The following MCPH1 variants were observed in gnomAD, a reference collection of about 807,000 sequenced individuals.
MCPH1 encodes the protein microcephalin.
In MCPH1, 104 loss-of-function variants were observed where a neutral mutation model predicts 84.5. The ratio of observed to expected loss-of-function variants is 1.23; its 90% CI spans 1.05 to 1.45. The LOEUF is 1.45. Among genes scored for constraint, MCPH1 ranks in the 40% most tolerant of loss-of-function variants. The pLI is 0.00. For missense variants in MCPH1, 1,498 were observed against 1,005.7 expected (o/e 1.49, Z -6.62); for synonymous variants, 514 against 366.8 (o/e 1.40, Z -4.58).
chr8:6,447,829 G>A (rs1207721139), intron 8 of MCPH1, among the ~76,000 whole-genome samples: 1 of 152,160 alleles, frequency 6.6e-6, no homozygotes, highest in Non-Finnish European at 1.5e-5. Context: ...GATTACAGGC[G>A]TGAGCTACCG....
At chr8:6,513,677 C>G in intron 12 of MCPH1, 1 of 1,606,432 alleles carries the variant, frequency 6.2e-7, no homozygotes, top group Non-Finnish European at 8.5e-7. Context: ...AACTCACTTA[C>G]CTATAATTGA....
chr8:6,430,829 TAGA>T (rs1325692971), intron 3 of MCPH1, among the ~76,000 whole-genome samples: 1 of 152,212 alleles, frequency 6.6e-6, no homozygotes, highest in Non-Finnish European at 1.5e-5. Flanking sequence ...ATGAGTGAAT[TAGA>T]AGAGGAGAAA....
chr8:6,596,890 C>G (rs1474915626), intron 12 of MCPH1, among the ~76,000 whole-genome samples: 1 of 152,164 alleles, frequency 6.6e-6, no homozygotes, highest in Non-Finnish European at 1.5e-5. Flanking sequence ...TACAGAAGGA[C>G]ACACAGTAAG....
intron 9 of MCPH1, among the ~76,000 whole-genome samples, chr8:6,464,928 G>C (rs966589970): frequency 6.6e-6 from 1 of 152,162 alleles, no homozygotes; most frequent in Non-Finnish European, 1.5e-5. Context: ...GAACCCAGGA[G>C]GTAGAGGTTG....
At chr8:6,409,444 A>T (rs1798229815) in intron 2 of MCPH1, 74 bp downstream of exon 2, 6 of 1,271,852 alleles carry the variant, frequency 4.7e-6, no homozygotes, top group Non-Finnish European at 6.9e-6. Context: ...GCATTTTCTT[A>T]TTTTGGGAGT....
At chr8:6,513,611 G>A (rs1815639943) in intron 12 of MCPH1, 1 of 1,416,844 alleles carries the variant, frequency 7.1e-7, no homozygotes, top group Non-Finnish European at 9.6e-7. Context: ...GGGATTACAG[G>A]CGTGAGCCAC....
chr8:6,579,319 A>C (rs1162527948), intron 12 of MCPH1, among the ~76,000 whole-genome samples: 1 of 152,128 alleles, frequency 6.6e-6, no homozygotes, highest in Admixed American at 6.5e-5. Flanking sequence ...CCATTTGACT[A>C]ATTATCAAAG....
intron 12 of MCPH1, among the ~76,000 whole-genome samples, chr8:6,522,084 A>G (rs549394037): frequency 6.6e-6 from 1 of 152,290 alleles, no homozygotes; most frequent in African/African-American, 2.4e-5. Flanking sequence ...GGCCGGGCGC[A>G]GTGGCTCACG....
chr8:6,539,174 C>A (rs1489308511), intron 12 of MCPH1, among the ~76,000 whole-genome samples: 1 of 152,172 alleles, frequency 6.6e-6, no homozygotes, highest in Non-Finnish European at 1.5e-5. Context: ...CCTCCTAAAC[C>A]CCTCGCCAGA....
intron 12 of MCPH1, among the ~76,000 whole-genome samples, chr8:6,604,216 C>G (rs1829582510): frequency 1.3e-5 from 2 of 150,968 alleles, no homozygotes; most frequent in Non-Finnish European, 1.5e-5. Context: ...GCCACAGCCC[C>G]TCCATGGAGC....
intron 12 of MCPH1, among the ~76,000 whole-genome samples, chr8:6,566,325 G>A (rs1007956280): frequency 2.6e-5 from 4 of 152,192 alleles, no homozygotes; most frequent in Admixed American, 6.5e-5. Flanking sequence ...CACAGTGCAC[G>A]CGGTGTGGTG....
intron 12 of MCPH1, among the ~76,000 whole-genome samples, chr8:6,517,540 G>C (rs1485153694): frequency 6.6e-6 from 1 of 152,178 alleles, no homozygotes; most frequent in Non-Finnish European, 1.5e-5. Flanking sequence ...AAGACCAATT[G>C]AACATTCTTT....
chr8:6,414,004 C>T (rs1374370222), intron 2 of MCPH1, among the ~76,000 whole-genome samples: 5 of 152,176 alleles, frequency 3.3e-5, no homozygotes, highest in Non-Finnish European at 5.9e-5. Context: ...CCACCTGCCT[C>T]GGCCTCCCAA....
chr8:6,575,095 TC>T (rs1223233369), intron 12 of MCPH1, among the ~76,000 whole-genome samples: 1 of 152,104 alleles, frequency 6.6e-6, no homozygotes, highest in African/African-American at 2.4e-5. Context: ...TTGCACACAT[TC>T]AGTTTAAATT....
intron 3 of MCPH1, among the ~76,000 whole-genome samples, chr8:6,418,706 C>G (rs542359646): frequency 6.6e-6 from 1 of 152,254 alleles, no homozygotes; most frequent in East Asian, 1.9e-4. Flanking sequence ...CTCAGCCTCC[C>G]GAGTAGCTGG....
At chr8:6,406,924 C>T (rs1380568127) in intron 1 of MCPH1, among the ~76,000 whole-genome samples, 8 of 110,586 alleles carry the variant, frequency 7.2e-5, no homozygotes, top group Admixed American at 9.0e-5. Flanking sequence ...CTGCCTGCTT[C>T]GTCTCCCGTG....
At chr8:6,461,527 A>G (rs1229351958) in intron 9 of MCPH1, among the ~76,000 whole-genome samples, 1 of 150,582 alleles carries the variant, frequency 6.6e-6, no homozygotes, top group East Asian at 1.9e-4. Flanking sequence ...ATTAGTAGAG[A>G]CAGGGTTTTG....
In MCPH1 at chr8:6,414,842, G is replaced by A. The variant is rs767548647; in HGVS notation, c.192G>A (p.Gln64=). The A allele has an allele frequency of 5.6e-5, 90 of 1,613,726 alleles. No homozygotes were observed. Among genetic ancestry groups the A allele is most frequent in the Non-Finnish European group, 7.1e-5 (84 of 1,179,918 alleles). ...DGYQSTWDKA[Q]KRGVKLVSVL... ...ACCAGAGCACTTGGGACAAAGCTCA[G>A]AAGAGAGGCGTAAAGCTCGTTTCGG... The change falls in exon 3 of 14, where the codon CAG becomes CAA. Residue 64 remains glutamine (Q), a synonymous_variant. Coordinates refer to ENST00000344683, the MANE Select transcript of MCPH1 (RefSeq NM_024596.5).
intron 13 of MCPH1, among the ~76,000 whole-genome samples, chr8:6,623,165 T>A (rs1275767821): frequency 6.6e-6 from 1 of 151,938 alleles, no homozygotes; most frequent in Non-Finnish European, 1.5e-5. Flanking sequence ...AGTGGCATCA[T>A]TTTAACTTGT....
Sources: allele counts gnomAD v4.1 joint callset (sites outside exome capture counted in the v4.1 genomes callset), GRCh38; gene constraint gnomAD v4.1.1; transcripts MANE v1.5; gene names NCBI Gene and HGNC (gene_info 2026-07-23, HGNC 2026-07-21).